The following TAF4B variants were observed in gnomAD, a reference collection of about 807,000 sequenced individuals.
TAF4B encodes the protein TATA-box binding protein associated factor 4b.
TAF4B carries 38 observed loss-of-function variants against 86.4 expected under a neutral mutation model. The ratio of observed to expected loss-of-function variants is 0.44; its 90% CI spans 0.34 to 0.58. The LOEUF is 0.58. Ranked by LOEUF, TAF4B falls within the 20% of genes least tolerant of loss-of-function variation. The pLI, the probability that TAF4B is intolerant of heterozygous loss-of-function variation, is 0.02. For missense variants in TAF4B, 988 were observed against 1,027.6 expected (o/e 0.96, Z 0.53); for synonymous variants, 388 against 391.2 (o/e 0.99, Z 0.10).
chr18:26,240,336 CTT>C (rs2055817730), intron 1 of TAF4B, among the ~76,000 whole-genome samples: 1 of 152,166 alleles, frequency 6.6e-6, no homozygotes, highest in Non-Finnish European at 1.5e-5. Context: ...ATTTTATTCT[CTT>C]TGAAGCAATT....
At chr18:26,356,645 C>T (rs1023542254) in intron 13 of TAF4B, among the ~76,000 whole-genome samples, 2 of 152,068 alleles carry the variant, frequency 1.3e-5, no homozygotes, top group African/African-American at 4.8e-5. Flanking sequence ...ATGTGACTGT[C>T]AACCAGCCCC....
At chr18:26,293,338 A>C in intron 8 of TAF4B, 88 bp from the exon 9 acceptor site, 3 of 815,458 alleles carry the variant, frequency 3.7e-6, no homozygotes, top group Middle Eastern at 7.2e-4. Context: ...ATTATTCTAT[A>C]TATATAAAAA....
Position 26,385,684 on chromosome 18 carries a change from T to TTG in TAF4B, c.2422-4160_2422-4159insGT, listed in dbSNP as rs1555627587. Among the ~76,000 whole-genome samples the TTG allele has an allele frequency of 2.1e-4, 30 of 142,696 alleles. 2 individuals are homozygous for TTG. In the East Asian group the frequency reaches 3.4e-3, roughly 16 times the overall value. The allele number at this position is 142,696 out of a possible 152,430, so 93.6% of individuals were successfully genotyped here. ...CAGTGAGAAGAATAAACAGCGTTTT[T>TTG]TTTTTTTTTTCTTCTTCTTCTTCTT... is the stretch of plus-strand genomic sequence containing the variant. On this transcript the variant is annotated intron_variant, in intron 14 of 14. Coordinates refer to ENST00000269142, the MANE Select transcript of TAF4B (RefSeq NM_005640.3).
intron 9 of TAF4B, among the ~76,000 whole-genome samples, chr18:26,310,428 G>A (rs1314964585): frequency 6.6e-6 from 1 of 152,072 alleles, no homozygotes; most frequent in African/African-American, 2.4e-5. Context: ...CTACATTTGA[G>A]TTAATAAGAA....
At chr18:26,256,228 A>ATCCAGAACAGCTGTGGAAG in intron 1 of TAF4B, 1 of 1,590,820 alleles carries the variant, frequency 6.3e-7, no homozygotes, top group Non-Finnish European at 8.6e-7. Flanking sequence ...GTCTCATGCA[A>ATCCAGAACAGCTGTGGAAG]TCCAGAACAG....
intron 9 of TAF4B, among the ~76,000 whole-genome samples, chr18:26,306,037 A>C (rs1306773357): frequency 6.6e-6 from 1 of 152,248 alleles, no homozygotes; most frequent in Non-Finnish European, 1.5e-5. Flanking sequence ...ATTATCTCTC[A>C]TATTCAGAAA....
At chr18:26,265,450 G>T in intron 2 of TAF4B, 135 bp downstream of exon 2, 1 of 1,000,478 alleles carries the variant, frequency 1.0e-6, no homozygotes. Context: ...AGCTTGCCTT[G>T]AATATGTCAA....
chr18:26,304,322 A>G (rs2056772715), intron 9 of TAF4B, among the ~76,000 whole-genome samples: 1 of 152,150 alleles, frequency 6.6e-6, no homozygotes, highest in Non-Finnish European at 1.5e-5. Context: ...AGTGACTTCA[A>G]ACATAGGATG....
intron 14 of TAF4B, among the ~76,000 whole-genome samples, chr18:26,364,429 A>AAGATAC (rs373607753): frequency 0.042 from 6,345 of 152,264 alleles, 181 homozygotes; most frequent in Non-Finnish European, 0.058. Flanking sequence ...ACAGTAAAAT[A>AAGATAC]AAACCTACTT....
At chr18:26,314,707 AT>A (rs1452215015) in intron 9 of TAF4B, among the ~76,000 whole-genome samples, 1 of 152,198 alleles carries the variant, frequency 6.6e-6, no homozygotes, top group Non-Finnish European at 1.5e-5. Context: ...GGACCAGATA[AT>A]TTCTGCTGCC....
At chr18:26,376,360 G>A (rs1453914604) in intron 14 of TAF4B, among the ~76,000 whole-genome samples, 1 of 151,882 alleles carries the variant, frequency 6.6e-6, no homozygotes, top group East Asian at 1.9e-4. Flanking sequence ...TTTCAACAAT[G>A]TTTATAGTTT....
At chr18:26,334,921 A>G (rs1250152174) in intron 12 of TAF4B, among the ~76,000 whole-genome samples, 3 of 152,094 alleles carry the variant, frequency 2.0e-5, no homozygotes, top group Admixed American at 6.5e-5. Context: ...TCATGCCTCA[A>G]CTGGACCTGA....
chr18:26,281,414 A>G (rs1294035957), intron 5 of TAF4B, among the ~76,000 whole-genome samples: 1 of 152,228 alleles, frequency 6.6e-6, no homozygotes, highest in South Asian at 2.1e-4. Flanking sequence ...CAAAATTTTT[A>G]AAACTATATT....
intron 14 of TAF4B, among the ~76,000 whole-genome samples, chr18:26,368,155 T>A (rs1047388873): frequency 5.3e-5 from 8 of 152,012 alleles, no homozygotes; most frequent in Non-Finnish European, 1.2e-4. Flanking sequence ...TTAGGGATAG[T>A]TTTTTTTATA....
intron 3 of TAF4B, among the ~76,000 whole-genome samples, chr18:26,267,841 A>G (rs999140680): frequency 2.0e-5 from 3 of 152,196 alleles, no homozygotes; most frequent in Admixed American, 2.0e-4. Flanking sequence ...TCAGTGTATT[A>G]AGTTAATACA....
chr18:26,388,646 TC>T (rs1292759728), intron 14 of TAF4B, among the ~76,000 whole-genome samples: 5 of 152,184 alleles, frequency 3.3e-5, no homozygotes, highest in African/African-American at 9.6e-5. Context: ...TCTTTGCTAA[TC>T]TCTGCCTATT....
chr18:26,285,222 G>GTTTTTTTTT (rs776976703), intron 6 of TAF4B, among the ~76,000 whole-genome samples: 22 of 45,686 alleles, frequency 4.8e-4, no homozygotes, highest in African/African-American at 1.2e-3. Flanking sequence ...TTTTTTTTTT[G>GTTTTTTTTT]TTTTTTTTTT....
intron 7 of TAF4B, among the ~76,000 whole-genome samples, chr18:26,290,207 A>C (rs2056575110): frequency 6.6e-6 from 1 of 152,066 alleles, no homozygotes; most frequent in Non-Finnish European, 1.5e-5. Context: ...TGGTGCCATC[A>C]TGGTTCACTG....
intron 1 of TAF4B, among the ~76,000 whole-genome samples, chr18:26,228,062 A>G (rs558158153): frequency 3.3e-5 from 5 of 152,340 alleles, no homozygotes; most frequent in African/African-American, 4.8e-5. Context: ...GCTACTGTTA[A>G]TGAGTCTTTC....
Sources: gnomAD v4.1 joint callset for allele counts (sites outside exome capture counted in the v4.1 genomes callset) on GRCh38, gnomAD v4.1.1 for gene constraint, MANE v1.5 for transcripts, NCBI Gene and HGNC (gene_info 2026-07-23, HGNC 2026-07-21) for gene names.